CEMIP2: variants seen among roughly 807,000 people sequenced by gnomAD.
CEMIP2 encodes the protein cell migration inducing hyaluronidase 2, also known as cell surface hyaluronidase CEMIP2.
A neutral mutation model predicts 146.9 loss-of-function variants in CEMIP2; 79 were observed. That is an observed-to-expected ratio of 0.54 (90% CI 0.45 to 0.65). CEMIP2 has a LOEUF of 0.65. Ranked by LOEUF, CEMIP2 falls within the 30% of genes least tolerant of loss-of-function variation. The probability of loss-of-function intolerance (pLI) is 0.00; values close to 1 mark genes in which losing one functional copy is unlikely to be tolerated. For synonymous variants in CEMIP2, 601 were observed against 606.3 expected (o/e 0.99, Z 0.13); for missense variants, 1,596 against 1,696.2 (o/e 0.94, Z 1.04).
chr9:71,751,789 G>A (rs1470625204), intron 1 of CEMIP2, among the ~76,000 whole-genome samples: 1 of 152,052 alleles, frequency 6.6e-6, no homozygotes, highest in African/African-American at 2.4e-5. Flanking sequence ...CAATAGCTAG[G>A]CACTCAAGTT....
intron 7 of CEMIP2, 47 bp downstream of exon 7, chr9:71,732,304 A>G (rs765912197): frequency 6.6e-7 from 1 of 1,521,738 alleles, no homozygotes; most frequent in Non-Finnish European, 8.8e-7. Context: ...TCAAACATAT[A>G]TTTAGCAACC....
At chr9:71,746,679 C>A (rs1312910620) in intron 2 of CEMIP2, among the ~76,000 whole-genome samples, 1 of 146,660 alleles carries the variant, frequency 6.8e-6, no homozygotes, top group Non-Finnish European at 1.5e-5. Context: ...ATTATACATT[C>A]TCTTGGGATT....
chr9:71,694,049 T>C (rs1301136126), intron 21 of CEMIP2, among the ~76,000 whole-genome samples: 4 of 152,344 alleles, frequency 2.6e-5, no homozygotes, highest in African/African-American at 9.6e-5. Context: ...TGCCTTGCCC[T>C]TGGACTTTCC....
chr9:71,730,686 C>A lies in CEMIP2; in HGVS notation c.1773+19G>T. 1 of 1,612,664 alleles carries A rather than the reference C, an allele frequency of 6.2e-7. No homozygotes were observed. The highest frequency in any genetic ancestry group is 8.5e-7 in the Non-Finnish European group (1 of 1,178,888). On this transcript the variant is annotated intron_variant, in intron 8 of 23. Coordinates refer to ENST00000377044, the MANE Select transcript of CEMIP2 (RefSeq NM_013390.3). ...AACTATTTCAATAATATGGGTTGACCTAATGCGAGGCTACTTACTAGCAAG... is the reference window on the plus strand; with the variant it reads ...AACTATTTCAATAATATGGGTTGACATAATGCGAGGCTACTTACTAGCAAG...
chr9:71,690,874 T>A (rs539358795), intron 21 of CEMIP2, among the ~76,000 whole-genome samples: 252 of 152,340 alleles, frequency 1.7e-3, no homozygotes, highest in African/African-American at 5.8e-3. Context: ...ATCAGTGGTT[T>A]GTGACCTTTT....
intron 5 of CEMIP2, among the ~76,000 whole-genome samples, chr9:71,736,494 C>T (rs1318701433): frequency 2.0e-5 from 3 of 152,162 alleles, no homozygotes; most frequent in African/African-American, 7.2e-5. Context: ...CATGATGGTG[C>T]CCCTGTCCAA....
chr9:71,754,268 GT>G (rs1282274097), intron 1 of CEMIP2, among the ~76,000 whole-genome samples: 2 of 152,164 alleles, frequency 1.3e-5, no homozygotes, highest in Admixed American at 1.3e-4. Flanking sequence ...TGGAAGGCAA[GT>G]GAAATTGACC....
rs773193645 is a variant in CEMIP2, at chr9:71,704,693, T to C, written c.3096A>G (p.Pro1032=). 1.8e-5 allele frequency: 29 copies of C among 1,613,970 alleles called. No individual in the cohort carries two copies. In the South Asian group the frequency reaches 3.1e-4, roughly 17 times the overall value. The change falls in exon 18 of 24, where the codon CCA becomes CCG. Residue 1032 remains proline, a synonymous_variant. Transcript: ENST00000377044. ...CCAGCATGACGACAGGCTGGTACTG[T>C]GGAAAGGCAGCCTTCTGATTAATAC... The part of the protein sequence containing the change: ...LRGINQKAAF[P]QYQPVVMLEK...
At chr9:71,760,776 T>C (rs1236040689) in intron 1 of CEMIP2, among the ~76,000 whole-genome samples, 1 of 152,076 alleles carries the variant, frequency 6.6e-6, no homozygotes, top group Non-Finnish European at 1.5e-5. Flanking sequence ...GGCCTCTAGG[T>C]GGAAGTAAAG....
intron 1 of CEMIP2, among the ~76,000 whole-genome samples, chr9:71,767,143 T>C (rs752553805): frequency 6.6e-6 from 1 of 152,156 alleles, no homozygotes; most frequent in Non-Finnish European, 1.5e-5. Flanking sequence ...AAATAAGCAT[T>C]AGTAGCTCCA....
chr9:71,744,267 T>A (rs1824009278), intron 4 of CEMIP2, among the ~76,000 whole-genome samples: 1 of 152,134 alleles, frequency 6.6e-6, no homozygotes, highest in African/African-American at 2.4e-5. Flanking sequence ...CTCAGCTACT[T>A]GGGAGGCTGA....
At chr9:71,760,945 T>C (rs969646739) in intron 1 of CEMIP2, among the ~76,000 whole-genome samples, 5 of 152,238 alleles carry the variant, frequency 3.3e-5, no homozygotes, top group African/African-American at 1.2e-4. Context: ...TTAATTCTTT[T>C]TATTGAAAAG....
In CEMIP2 at chr9:71,703,905, T is replaced by C. The variant is rs143027325; in HGVS notation, c.3194+690A>G. On this transcript the variant is annotated intron_variant, in intron 18 of 23. Coordinates refer to ENST00000377044, the MANE Select transcript of CEMIP2 (RefSeq NM_013390.3). ...GCAGAATTATTTAATAGTTGCTCTA[T>C]CATTTGTCCACTAAAAAATAGCTTT... 2.9e-3 allele frequency among the ~76,000 whole-genome samples: 448 copies of C among 152,336 alleles called. 7 individuals are homozygous for C. The highest frequency in any genetic ancestry group is 1.2e-3 in the Non-Finnish European group (82 of 68,034).
chr9:71,754,899 TA>T (rs35881443), intron 1 of CEMIP2, among the ~76,000 whole-genome samples: 42 of 150,974 alleles, frequency 2.8e-4, no homozygotes, highest in Non-Finnish European at 5.0e-4. Context: ...CAAATGCTGT[TA>T]AAAAAAAATA....
chr9:71,745,689 G>A, intron 3 of CEMIP2, 110 bp from the exon 4 acceptor site: 2 of 1,105,584 alleles, frequency 1.8e-6, no homozygotes, highest in Non-Finnish European at 2.5e-6. Context: ...TCGGAAAAAA[G>A]AATTCGCTAA....
chr9:71,762,298 C>G (rs1400241987), intron 1 of CEMIP2, among the ~76,000 whole-genome samples: 1 of 152,016 alleles, frequency 6.6e-6, no homozygotes, highest in African/African-American at 2.4e-5. Flanking sequence ...AGAGTGGCAG[C>G]TGGACTTCAC....
chr9:71,730,937 CA>C (rs1473366279), intron 7 of CEMIP2, 23 bp from the exon 8 acceptor site: 1 of 1,600,126 alleles, frequency 6.2e-7, no homozygotes, highest in Non-Finnish European at 8.6e-7. Context: ...GTACTAAAAT[CA>C]AACTCATACT....
intron 1 of CEMIP2, among the ~76,000 whole-genome samples, chr9:71,755,381 A>ACACACACACACACACACACAC (rs55856832): frequency 6.0e-5 from 9 of 149,136 alleles, no homozygotes; most frequent in African/African-American, 2.0e-4. Context: ...ACACACACAC[A>ACACACACACACACACACACAC]AAATTAAATC....
intron 1 of CEMIP2, among the ~76,000 whole-genome samples, chr9:71,750,592 C>T (rs982633256): frequency 6.7e-6 from 1 of 150,366 alleles, no homozygotes; most frequent in East Asian, 1.9e-4. Flanking sequence ...GAGGCATGCA[C>T]CACCACGCCC....
Sources: gnomAD v4.1 joint callset for allele counts (sites outside exome capture counted in the v4.1 genomes callset) on GRCh38, gnomAD v4.1.1 for gene constraint, MANE v1.5 for transcripts, NCBI Gene and HGNC (gene_info 2026-07-23, HGNC 2026-07-21) for gene names.